Variants in METTL8 observed in about 807,000 individuals in gnomAD.
METTL8 encodes the protein methyltransferase 8, tRNA N3-cytidine.
METTL8 carries 32 observed loss-of-function variants against 48.7 expected under a neutral mutation model. The observed-to-expected ratio is 0.66, with a 90% CI of 0.50 to 0.88. The LOEUF is 0.88. METTL8 is among the 40% of genes least tolerant of loss of function. METTL8 has a pLI of 0.00. For synonymous variants in METTL8, 136 were observed against 157.1 expected (o/e 0.87, Z 1.01); for missense variants, 464 against 474.4 (o/e 0.98, Z 0.20).
At chr2:171,418,022 C>G (rs1559208919) in intron 1 of METTL8, among the ~76,000 whole-genome samples, 1 of 152,126 alleles carries the variant, frequency 6.6e-6, no homozygotes, top group African/African-American at 2.4e-5. Context: ...CGGCTCACTG[C>G]AAGCTCCGCC....
rs913202404 is a variant in METTL8, at chr2:171,323,445, G to C, written c.*727C>G. On this transcript the variant is annotated 3_prime_UTR_variant, in exon 10 of 10. Transcript: ENST00000375258. ...GACAGGGTTTTGCCATGTTGTCCAG[G>C]CTGGTCTTGAACTCCTGAGCTCAAC... 17 of 152,244 alleles carry C rather than the reference G, an allele frequency of 1.1e-4. No homozygotes were observed. The highest frequency in any genetic ancestry group is 4.1e-4 in the African/African-American group (17 of 41,280). 9.4% of individuals were successfully genotyped at this position (152,244 alleles called of 1,614,324 possible). A position where few individuals can be genotyped will look rare whatever the true frequency, so the allele number is the denominator to read the frequency against.
chr2:171,399,677 C>T (rs1689454703), intron 1 of METTL8, among the ~76,000 whole-genome samples: 1 of 152,192 alleles, frequency 6.6e-6, no homozygotes, highest in South Asian at 2.1e-4. Context: ...CAAACTATAA[C>T]ATATGCTACA....
At chr2:171,358,857 G>T (rs1296722541) in intron 3 of METTL8, among the ~76,000 whole-genome samples, 1 of 152,216 alleles carries the variant, frequency 6.6e-6, no homozygotes, top group East Asian at 1.9e-4. Context: ...GTACAGCAAA[G>T]AAACAATCAA....
In METTL8 at chr2:171,420,060, CA is replaced by C. The variant is rs1691717519; in HGVS notation, c.-13+13822del. 2.0e-5 allele frequency among the ~76,000 whole-genome samples: 3 copies of C among 151,944 alleles called. No individual in the cohort carries two copies. The South Asian group carries it at 6.2e-4, about 32-fold the overall frequency. On this transcript the variant is annotated intron_variant, in intron 1 of 9. Coordinates refer to ENST00000375258, the MANE Select transcript of METTL8 (RefSeq NM_001321154.2). ...GATGACTGAGTAAAACTTAGAGAAA[CA>C]AAGTGTTGGCTGGGCACGGTGGCTC...
Position 171,316,257 on chromosome 2 carries a change from C to G in METTL8, c.*7915G>C, listed in dbSNP as rs1222644247. On this transcript the variant is annotated 3_prime_UTR_variant, in exon 10 of 10. Transcript: ENST00000375258. ...CATGCCGGCATGGGGCTGCCGGGCACCCAGCTCCTTTCCTGTGGGTAGAAA... is the reference window on the plus strand; with the variant it reads ...CATGCCGGCATGGGGCTGCCGGGCAGCCAGCTCCTTTCCTGTGGGTAGAAA... Among the ~76,000 whole-genome samples the G allele has an allele frequency of 2.0e-5, 3 of 152,226 alleles. No homozygotes were observed. Among genetic ancestry groups the G allele is most frequent in the Non-Finnish European group, 4.4e-5 (3 of 68,038 alleles).
chr2:171,394,378 C>CTA (rs1333171042), intron 1 of METTL8, among the ~76,000 whole-genome samples: 1 of 151,318 alleles, frequency 6.6e-6, no homozygotes, highest in African/African-American at 2.4e-5. Context: ...CTATACTCAT[C>CTA]TATATATAGA....
At chr2:171,331,973 GCTCCTGGA>G (rs1685586974) in intron 5 of METTL8, 106 bp from the exon 6 acceptor site, 1 of 738,072 alleles carries the variant, frequency 1.4e-6, no homozygotes, top group African/African-American at 1.8e-5. Flanking sequence ...ATAACCTTGA[GCTCCTGGA>G]CTCTAGCGAT....
chr2:171,348,952 G>T (rs1031836444), intron 3 of METTL8, among the ~76,000 whole-genome samples: 2 of 152,104 alleles, frequency 1.3e-5, no homozygotes, highest in Non-Finnish European at 2.9e-5. Flanking sequence ...GATGATGCAG[G>T]CCAAGTTCTT....
chr2:171,405,976 A>G (rs1690141967), intron 1 of METTL8, among the ~76,000 whole-genome samples: 1 of 152,240 alleles, frequency 6.6e-6, no homozygotes, highest in Non-Finnish European at 1.5e-5. Flanking sequence ...AAGAATGTCA[A>G]TGAACATAAG....
chr2:171,431,564 T>C (rs1235773185), intron 1 of METTL8, among the ~76,000 whole-genome samples: 1 of 152,230 alleles, frequency 6.6e-6, no homozygotes, highest in Non-Finnish European at 1.5e-5. Context: ...AAAACTCTTC[T>C]CTGTCCTCCT....
intron 3 of METTL8, among the ~76,000 whole-genome samples, chr2:171,359,178 A>AG (rs1320125363): frequency 6.6e-6 from 1 of 151,736 alleles, no homozygotes; most frequent in South Asian, 2.1e-4. Context: ...TGTCTCAAAA[A>AG]AAAAAAAAAA....
At chr2:171,364,958 C>T (rs936700218) in intron 2 of METTL8, among the ~76,000 whole-genome samples, 27 of 152,122 alleles carry the variant, frequency 1.8e-4, no homozygotes, top group Non-Finnish European at 3.1e-4. Flanking sequence ...AATATTTATT[C>T]TTAGGTTAAA....
intron 3 of METTL8, among the ~76,000 whole-genome samples, chr2:171,353,509 T>C (rs1487507342): frequency 6.6e-6 from 1 of 152,208 alleles, no homozygotes; most frequent in Non-Finnish European, 1.5e-5. Context: ...CTGAGTTCAA[T>C]TTCTGGATAT....
intron 1 of METTL8, among the ~76,000 whole-genome samples, chr2:171,399,775 C>CT (rs1014290163): frequency 1.3e-5 from 2 of 151,840 alleles, no homozygotes; most frequent in African/African-American, 4.8e-5. Flanking sequence ...TTGAGTAATA[C>CT]TTTTTTTTAA....
chr2:171,319,463 G>A lies in METTL8; in HGVS notation c.*4709C>T, dbSNP rs957498256. The A allele has an allele frequency of 3.3e-5, 5 of 152,222 alleles. No homozygotes were observed. Among genetic ancestry groups the A allele is most frequent in the African/African-American group, 1.2e-4 (5 of 41,440 alleles). 9.4% of individuals were successfully genotyped at this position (152,222 alleles called of 1,614,324 possible). ...ACTTTGATGAGTTGGAAGTTTTGGGGTTTAACAATCCAGATGGTTCTGATA... is the reference window on the plus strand; with the variant it reads ...ACTTTGATGAGTTGGAAGTTTTGGGATTTAACAATCCAGATGGTTCTGATA... On this transcript the variant is annotated 3_prime_UTR_variant, in exon 10 of 10. Coordinates refer to ENST00000375258, the MANE Select transcript of METTL8 (RefSeq NM_001321154.2).
At chr2:171,408,180 A>G (rs1648380068) in intron 1 of METTL8, among the ~76,000 whole-genome samples, 2 of 152,230 alleles carry the variant, frequency 1.3e-5, no homozygotes, top group Non-Finnish European at 2.9e-5. Context: ...CATAGTAAGA[A>G]TATTTTAAGT....
intron 1 of METTL8, among the ~76,000 whole-genome samples, chr2:171,407,438 G>C (rs1332775984): frequency 6.6e-6 from 1 of 151,954 alleles, no homozygotes; most frequent in Non-Finnish European, 1.5e-5. Context: ...ATCTCACCTA[G>C]TAACAAAAAC....
intron 1 of METTL8, among the ~76,000 whole-genome samples, chr2:171,393,697 T>C (rs1376774114): frequency 6.6e-6 from 1 of 152,176 alleles, no homozygotes; most frequent in African/African-American, 2.4e-5. Context: ...TGGAAACAGA[T>C]GCTAAAAGGT....
chr2:171,334,276 G>A (rs1685856526), intron 5 of METTL8, among the ~76,000 whole-genome samples: 1 of 152,252 alleles, frequency 6.6e-6, no homozygotes, highest in East Asian at 1.9e-4. Context: ...CATGTGTCCT[G>A]CCACGGTGGC....
Sources: allele counts gnomAD v4.1 joint callset (sites outside exome capture counted in the v4.1 genomes callset), GRCh38; gene constraint gnomAD v4.1.1; transcripts MANE v1.5; gene names NCBI Gene and HGNC (gene_info 2026-07-23, HGNC 2026-07-21).